The following TTC9 variants were observed in gnomAD, a reference collection of about 807,000 sequenced individuals.
TTC9 encodes the protein tetratricopeptide repeat domain 9.
Under a neutral mutation model 22.9 loss-of-function variants are expected in TTC9, and 13 were observed. The observed-to-expected ratio is 0.57, with a 90% CI of 0.37 to 0.90. TTC9 has a LOEUF of 0.90. Ranked by LOEUF, TTC9 falls within the 40% of genes least tolerant of loss-of-function variation. TTC9 has a pLI of 0.01. For missense variants in TTC9, 280 were observed against 291.8 expected, an observed-to-expected ratio of 0.96 and a Z score of 0.29; for synonymous variants, 148 against 133.2, an observed-to-expected ratio of 1.11 and a Z score of -0.77.
chr14:70,667,448 T>C (rs1886230637), intron 1 of TTC9, 116 bp from the exon 2 acceptor site: 1 of 1,058,048 alleles, frequency 9.5e-7, no homozygotes, highest in Non-Finnish European at 1.4e-6. Context: ...TCCCAAGATG[T>C]AAACCCCAGT....
At chr14:70,664,043 T>A (rs758332989) in intron 1 of TTC9, among the ~76,000 whole-genome samples, 7 of 152,120 alleles carry the variant, frequency 4.6e-5, no homozygotes. Context: ...AAATAGAACC[T>A]GTTTCATGGA....
intron 1 of TTC9, among the ~76,000 whole-genome samples, chr14:70,651,621 A>G (rs1056354000): frequency 2.0e-5 from 3 of 152,190 alleles, no homozygotes; most frequent in Admixed American, 6.5e-5. Context: ...TCCTGGCAGC[A>G]TGGTACCCCA....
intron 2 of TTC9, among the ~76,000 whole-genome samples, chr14:70,668,970 C>T (rs1886253610): frequency 6.6e-6 from 1 of 151,542 alleles, no homozygotes; most frequent in Non-Finnish European, 1.5e-5. Context: ...TCCTGGCTAA[C>T]ATGGTGAAAC....
Position 70,672,413 on chromosome 14 carries a change from A to G in TTC9, c.*1258A>G, listed in dbSNP as rs1360020081. On this transcript the variant is annotated 3_prime_UTR_variant, in exon 3 of 3. Transcript: ENST00000256367. ...ATGTCTGTGCTCGTTATGCTATGCC[A>G]TGTTGCTTCAGTCAAACAAGAAACA... 3 of 152,238 alleles carry G rather than the reference A, an allele frequency of 2.0e-5. No homozygotes were observed. Among genetic ancestry groups the G allele is most frequent in the Admixed American group, 6.5e-5 (1 of 15,286 alleles). 9.4% of individuals were successfully genotyped at this position (152,238 alleles called of 1,614,324 possible). A position where few individuals can be genotyped will look rare whatever the true frequency, so the allele number is the denominator to read the frequency against.
intron 1 of TTC9, among the ~76,000 whole-genome samples, chr14:70,646,191 G>A (rs1429319941): frequency 1.3e-5 from 2 of 152,166 alleles, no homozygotes; most frequent in Non-Finnish European, 2.9e-5. Context: ...TGTAATTTTT[G>A]CGTATCTTGT....
chr14:70,655,838 T>C (rs959868211), intron 1 of TTC9, among the ~76,000 whole-genome samples: 1 of 152,188 alleles, frequency 6.6e-6, no homozygotes, highest in Non-Finnish European at 1.5e-5. Context: ...GTAGAAATTC[T>C]TCCTCCTAAA....
chr14:70,642,411 C>G lies in TTC9; in HGVS notation c.282C>G (p.Pro94=), dbSNP rs781750643. ...LLELKGLLPP[P]GERERDSRPA... ...AGCTGAAGGGGCTGCTGCCGCCCCC[C>G]GGGGAACGGGAGCGGGACTCGCGCC... The change falls in exon 1 of 3, where the codon CCC becomes CCG. Residue 94 remains proline, a synonymous_variant. Coordinates refer to ENST00000256367, the MANE Select transcript of TTC9 (RefSeq NM_015351.2). 2 of 1,596,044 alleles carry G rather than the reference C, an allele frequency of 1.3e-6. No individual in the cohort carries two copies. The highest frequency in any genetic ancestry group is 4.6e-5 in the East Asian group (2 of 43,740).
At chr14:70,669,830 T>A (rs1287357297) in intron 2 of TTC9, among the ~76,000 whole-genome samples, 3 of 152,168 alleles carry the variant, frequency 2.0e-5, no homozygotes, top group African/African-American at 7.2e-5. Flanking sequence ...ACGCCTGGCA[T>A]TTTTTAGCAT....
intron 1 of TTC9, among the ~76,000 whole-genome samples, chr14:70,653,860 C>T (rs1365243207): frequency 6.6e-6 from 1 of 152,142 alleles, no homozygotes; most frequent in Non-Finnish European, 1.5e-5. Flanking sequence ...GGGAGCTTAA[C>T]AAGAAAGAAG....
chr14:70,662,492 C>G (rs9630400), intron 1 of TTC9, among the ~76,000 whole-genome samples: 44,340 of 151,498 alleles, frequency 0.29, 6,792 homozygotes, highest in Middle Eastern at 0.39. Flanking sequence ...ACTGCTTTAC[C>G]AGTCTGATTG....
In TTC9 at chr14:70,667,583, G is replaced by C; in HGVS notation, c.426G>C (p.Glu142Asp). The C allele has an allele frequency of 6.2e-7, 1 of 1,614,044 alleles. No homozygotes were observed. Residue 142 changes from glutamate (E) to aspartate (D), a missense_variant, in exon 2 of 3, where the codon GAG becomes GAC. Transcript: ENST00000256367. ...CCATAGCCTGCCTGCTCCAGGCTGA[G>C]CTGGTAAACTATGAACGAGTCAAGG... is the stretch of plus-strand genomic sequence containing the variant. ...NSLAACLLQA[E>D]LVNYERVKEY...
In TTC9 at chr14:70,659,128, A is replaced by ATG. The variant is rs1555362246; in HGVS notation, c.407-8436_407-8435insTG. 7.6e-3 allele frequency among the ~76,000 whole-genome samples: 1,038 copies of ATG among 137,232 alleles called. 7 individuals carry two copies. The highest frequency in any genetic ancestry group is 0.011 in the Non-Finnish European group (700 of 62,502). The allele number at this position is 137,232 out of a possible 152,430, so 90.0% of individuals were successfully genotyped here. ...AAACTGTATATAACTAAACACACAC[A>ATG]CACGCACACACACACACACACACAC... On this transcript the variant is annotated intron_variant, in intron 1 of 2. Transcript: ENST00000256367.
chr14:70,642,616 G>A, intron 1 of TTC9, 81 bp downstream of exon 1: 1 of 1,332,412 alleles, frequency 7.5e-7, no homozygotes, highest in African/African-American at 1.5e-5. Flanking sequence ...CGCTCCCGCG[G>A]TGCAGATTCT....
rs760640000 is a variant in TTC9, at chr14:70,642,332, A to T, written c.203A>T (p.Tyr68Phe). 6.3e-7 allele frequency: 1 copy of T among 1,594,382 alleles called. No individual in the cohort carries two copies. Among genetic ancestry groups the T allele is most frequent in the African/African-American group, 1.4e-5 (1 of 73,778 alleles). ...HEFKSQGAQC[Y>F]KDKKFREAIG... ...TTCAAAAGCCAAGGGGCGCAGTGCTACAAGGACAAGAAATTCCGTGAAGCC... is the reference window on the plus strand; with the variant it reads ...TTCAAAAGCCAAGGGGCGCAGTGCTTCAAGGACAAGAAATTCCGTGAAGCC... The change falls in exon 1 of 3, where the codon TAC (tyrosine) becomes TTC (phenylalanine). Residue 68 changes from tyrosine (Y) to phenylalanine (F), a missense_variant. Coordinates refer to ENST00000256367, the MANE Select transcript of TTC9 (RefSeq NM_015351.2).
intron 1 of TTC9, among the ~76,000 whole-genome samples, chr14:70,652,359 A>T (rs1359291987): frequency 6.6e-6 from 1 of 152,260 alleles, no homozygotes; most frequent in Non-Finnish European, 1.5e-5. Context: ...TGGATGATAC[A>T]GTCAGGCACT....
intron 1 of TTC9, among the ~76,000 whole-genome samples, chr14:70,664,736 A>C (rs1360840786): frequency 6.6e-6 from 1 of 151,550 alleles, no homozygotes; most frequent in Non-Finnish European, 1.5e-5. Flanking sequence ...TTAAAAAAAA[A>C]AAAAAAAAGA....
chr14:70,658,608 G>A (rs1344535661), intron 1 of TTC9, among the ~76,000 whole-genome samples: 2 of 151,986 alleles, frequency 1.3e-5, no homozygotes, highest in African/African-American at 4.8e-5. Context: ...TAGAAATAGA[G>A]CAAAATTGCC....
At position 70,674,593 on chromosome 14, in the gene TTC9, C is replaced by T. The variant is rs1490611938; in HGVS notation, c.*3438C>T. 1 of 152,220 alleles carries T rather than the reference C, an allele frequency of 6.6e-6. No homozygotes were observed. The highest frequency in any genetic ancestry group is 2.4e-5 in the African/African-American group (1 of 41,456). 9.4% of individuals were successfully genotyped at this position (152,220 alleles called of 1,614,324 possible). A position where few individuals can be genotyped will look rare whatever the true frequency, so the allele number is the denominator to read the frequency against. On this transcript the variant is annotated 3_prime_UTR_variant, in exon 3 of 3. Transcript: ENST00000256367. ...TAAATCTTCTCCCTACCCCGTCTGC[C>T]AGCATCTAGTTTCCCTCTAATTTAT...
At chr14:70,669,666 T>C in intron 2 of TTC9, among the ~76,000 whole-genome samples, 1 of 151,992 alleles carries the variant, frequency 6.6e-6, no homozygotes, top group East Asian at 1.9e-4. Context: ...AAATGTATAC[T>C]TTTTTTATCT....
Sources: allele counts gnomAD v4.1 joint callset (sites outside exome capture counted in the v4.1 genomes callset), GRCh38; gene constraint gnomAD v4.1.1; transcripts MANE v1.5; gene names NCBI Gene and HGNC (gene_info 2026-07-23, HGNC 2026-07-21).